Variants in SLC26A4 observed in about 807,000 individuals in gnomAD.
SLC26A4 encodes the protein solute carrier family 26 member 4.
Under a neutral mutation model 90.4 loss-of-function variants are expected in SLC26A4, and 93 were observed. That is an observed-to-expected ratio of 1.03 (90% CI 0.87 to 1.22). SLC26A4 has a LOEUF of 1.22. SLC26A4 is among the 50% of genes most tolerant of loss of function. SLC26A4 has a pLI of 0.00. For missense variants in SLC26A4, 1,127 were observed against 946.2 expected, an observed-to-expected ratio of 1.19 and a Z score of -2.51; for synonymous variants, 393 against 354.6, an observed-to-expected ratio of 1.11 and a Z score of -1.22.
intron 6 of SLC26A4, among the ~76,000 whole-genome samples, chr7:107,679,717 A>AT (rs1791125688): frequency 6.6e-6 from 1 of 150,428 alleles, no homozygotes; most frequent in Non-Finnish European, 1.5e-5. Flanking sequence ...TACTATTAAC[A>AT]TACTTTATGG....
intron 17 of SLC26A4, among the ~76,000 whole-genome samples, 199 bp from the exon 18 acceptor site, chr7:107,704,132 G>T (rs1157453262): frequency 6.6e-6 from 1 of 152,140 alleles, no homozygotes; most frequent in Non-Finnish European, 1.5e-5. Flanking sequence ...GCTGGATGTT[G>T]CCATCTCTTG....
chr7:107,683,083 G>A, intron 6 of SLC26A4, 119 bp from the exon 7 acceptor site: 1 of 766,118 alleles, frequency 1.3e-6, no homozygotes, highest in Non-Finnish European at 2.2e-6. Context: ...GTTTGATGCT[G>A]ATATCATGGT....
intron 18 of SLC26A4, among the ~76,000 whole-genome samples, chr7:107,707,824 G>A (rs919696022): frequency 1.3e-5 from 2 of 152,102 alleles, no homozygotes; most frequent in Admixed American, 6.5e-5. Flanking sequence ...GAAATTCCAG[G>A]GTCCTCTGGA....
chr7:107,690,043 T>C, intron 9 of SLC26A4, 81 bp from the exon 10 acceptor site: 1 of 867,574 alleles, frequency 1.2e-6, no homozygotes. Context: ...TTTTCATTCT[T>C]AATGTACTTC....
At chr7:107,694,556 T>C (rs1791683796) in intron 11 of SLC26A4, 65 bp from the exon 12 acceptor site, 1 of 1,530,476 alleles carries the variant, frequency 6.5e-7, no homozygotes, top group Non-Finnish European at 9.1e-7. Context: ...TAACAGGAGA[T>C]TTAACAATCA....
chr7:107,712,613 C>A lies in SLC26A4; in HGVS notation c.2310C>A (p.Val770=), dbSNP rs768404882. The change falls in exon 20 of 21, where the codon GTC becomes GTA. Residue 770 remains valine, a synonymous_variant. Transcript: ENST00000644269. ...AGCTGACGGAAGAAGAACTTGATGT[C>A]CAGGATGAGGTATGATCATTTTCTT... ...ETELTEEELD[V]QDEAMRTLAS 11 of 1,535,770 alleles carry A rather than the reference C, an allele frequency of 7.2e-6. No individual in the cohort carries two copies. Among genetic ancestry groups the A allele is most frequent in the Non-Finnish European group, 9.9e-6 (11 of 1,108,762 alleles).
At chr7:107,685,076 G>T (rs1393504492) in intron 8 of SLC26A4, among the ~76,000 whole-genome samples, 1 of 152,094 alleles carries the variant, frequency 6.6e-6, no homozygotes, top group Non-Finnish European at 1.5e-5. Context: ...AGACCACCTG[G>T]TCAGCTTGGT....
chr7:107,682,505 A>G (rs1209980560), intron 6 of SLC26A4, among the ~76,000 whole-genome samples: 3 of 152,176 alleles, frequency 2.0e-5, no homozygotes. Flanking sequence ...TTTCTTTGCC[A>G]GAAAGAATGA....
In SLC26A4 at chr7:107,674,355, A is replaced by G. The variant is rs989507831; in HGVS notation, c.600+7A>G. The G allele has an allele frequency of 1.9e-6, 3 of 1,593,566 alleles. No homozygotes were observed. The highest frequency in any genetic ancestry group is 2.7e-5 in the African/African-American group (2 of 74,634). On this transcript the variant is annotated splice_region_variant and intron_variant, in intron 5 of 20. Transcript: ENST00000644269. ...GCTGGTTGGAATTATACAGGTAATG[A>G]ACTTACAAGTAAAATATAGATGGAT... is the stretch of plus-strand genomic sequence containing the variant.
At position 107,685,118 on chromosome 7, in the gene SLC26A4, T is replaced by G. The variant is rs192422862; in HGVS notation, c.1001+1581T>G. Reference sequence around the variant, plus strand: ...ATTTAACCTGCCTGGCCCCAGGGACTTTAAGCTACTCCATGAGGGCAGTGA... The same window carrying G: ...ATTTAACCTGCCTGGCCCCAGGGACGTTAAGCTACTCCATGAGGGCAGTGA... On this transcript the variant is annotated intron_variant, in intron 8 of 20. Coordinates refer to ENST00000644269, the MANE Select transcript of SLC26A4 (RefSeq NM_000441.2). Among the ~76,000 whole-genome samples, 486 of 152,280 alleles carry G rather than the reference T, an allele frequency of 3.2e-3. 3 individuals carry two copies. Among genetic ancestry groups the G allele is most frequent in the African/African-American group, 0.011 (458 of 41,560 alleles).
chr7:107,661,725 C>G lies in SLC26A4; in HGVS notation c.84C>G (p.Ser28Arg), dbSNP rs539699299. ...ACATGGTGTCGCGGCCGGTCTACAG[C>G]GAGCTCGCTTTCCAGCAACAGCACG... The part of the protein sequence containing the change: ...CSYMVSRPVY[S>R]ELAFQQQHER... Residue 28 changes from serine (S) to arginine (R), a missense_variant, in exon 2 of 21, where the codon AGC (serine) becomes AGG (arginine). Coordinates refer to ENST00000644269, the MANE Select transcript of SLC26A4 (RefSeq NM_000441.2). The surrounding 1 kb of genome is among the most constrained non-coding windows in gnomAD (Gnocchi z 5.1). 1 of 1,558,586 alleles carries G rather than the reference C, an allele frequency of 6.4e-7. No individual in the cohort carries two copies. Among genetic ancestry groups the G allele is most frequent in the Non-Finnish European group, 8.7e-7 (1 of 1,155,320 alleles).
At chr7:107,663,184 C>G (rs1790612505) in intron 2 of SLC26A4, 112 bp from the exon 3 acceptor site, 2 of 1,227,832 alleles carry the variant, frequency 1.6e-6, no homozygotes, top group Non-Finnish European at 2.4e-6. Flanking sequence ...AATACTTATC[C>G]TTTTTCCAAA....
At chr7:107,705,441 G>T (rs954744958) in intron 18 of SLC26A4, among the ~76,000 whole-genome samples, 6 of 152,148 alleles carry the variant, frequency 3.9e-5, no homozygotes, top group African/African-American at 1.4e-4. Context: ...AATACCAAGG[G>T]TTTATAGTAT....
intron 5 of SLC26A4, 97 bp from the exon 6 acceptor site, chr7:107,674,848 G>A (rs1423911822): frequency 1.7e-6 from 2 of 1,164,338 alleles, no homozygotes; most frequent in Non-Finnish European, 2.6e-6. Context: ...CAGGCTACTA[G>A]TGTTTTCATT....
chr7:107,704,431 G>T, intron 18 of SLC26A4, 46 bp downstream of exon 18: 1 of 851,394 alleles, frequency 1.2e-6, no homozygotes, highest in Non-Finnish European at 2.0e-6. Flanking sequence ...TTTCCCGTAA[G>T]CCCTTTCTCC....
At chr7:107,707,045 G>C (rs146075427) in intron 18 of SLC26A4, among the ~76,000 whole-genome samples, 13 of 152,282 alleles carry the variant, frequency 8.5e-5, no homozygotes, top group African/African-American at 2.6e-4. Flanking sequence ...GCCTGAGGCT[G>C]AGAATCACTT....
At chr7:107,681,675 T>C (rs1416624727) in intron 6 of SLC26A4, among the ~76,000 whole-genome samples, 1 of 152,192 alleles carries the variant, frequency 6.6e-6, no homozygotes, top group Non-Finnish European at 1.5e-5. Flanking sequence ...AAGATATTAG[T>C]GTTCTTCCTT....
intron 19 of SLC26A4, among the ~76,000 whole-genome samples, chr7:107,710,676 C>G (rs1401159224): frequency 2.6e-5 from 4 of 152,068 alleles, no homozygotes; most frequent in African/African-American, 9.7e-5. Context: ...TTAATTTTTC[C>G]CTACAAAATA....
chr7:107,694,700 A>G lies in SLC26A4; in HGVS notation c.1421A>G (p.Gln474Arg), dbSNP rs1791690026. The change falls in exon 12 of 21, where the codon CAG becomes CGG. Residue 474 changes from glutamine to arginine, a missense_variant. Coordinates refer to ENST00000644269, the MANE Select transcript of SLC26A4 (RefSeq NM_000441.2). ...TGTGACATTCCTCGTCTGTGGAGAC[A>G]GAATAAGATTGATGCTGTAAGTCAC... ...QLCDIPRLWR[Q>R]NKIDAVIWVF... The G allele has an allele frequency of 3.1e-6, 5 of 1,611,692 alleles. No homozygotes were observed. The Admixed American group carries it at 8.3e-5, about 27-fold the overall frequency.
Sources: allele counts gnomAD v4.1 joint callset (sites outside exome capture counted in the v4.1 genomes callset), GRCh38; gene constraint gnomAD v4.1.1; non-coding constraint Gnocchi (gnomAD v3.1); transcripts MANE v1.5; gene names NCBI Gene and HGNC (gene_info 2026-07-23, HGNC 2026-07-21).